SCD5: variants seen among roughly 807,000 people sequenced by gnomAD.
SCD5 encodes the protein acyl-CoA-desaturase 4.
SCD5 carries 20 observed loss-of-function variants against 30.4 expected under a neutral mutation model. That is an observed-to-expected ratio of 0.66 (90% CI 0.46 to 0.96). SCD5 has a LOEUF of 0.96. Ranked by LOEUF, SCD5 falls within the 40% of genes least tolerant of loss-of-function variation. The pLI, the probability that SCD5 is intolerant of heterozygous loss-of-function variation, is 0.00. For missense variants in SCD5, 381 were observed against 443.3 expected (o/e 0.86, Z 1.26); for synonymous variants, 173 against 176.4 (o/e 0.98, Z 0.16).
chr4:82,705,430 G>T lies in SCD5; in HGVS notation c.233-17C>A. ...AGAAGTAGGCTGCAAGACACAAGCA[G>T]GGACAACGTCAACAATGGTCCCTGA... On this transcript the variant is annotated splice_polypyrimidine_tract_variant and intron_variant, in intron 1 of 4. Coordinates refer to ENST00000319540, the MANE Select transcript of SCD5 (RefSeq NM_001037582.3). 10 of 1,613,992 alleles carry T rather than the reference G, an allele frequency of 6.2e-6. No homozygotes were observed. The highest frequency in any genetic ancestry group is 8.5e-6 in the Non-Finnish European group (10 of 1,179,932).
chr4:82,702,637 G>T (rs1470731960), intron 2 of SCD5, among the ~76,000 whole-genome samples: 2 of 152,128 alleles, frequency 1.3e-5, no homozygotes, highest in African/African-American at 4.8e-5. Flanking sequence ...CCCAAACAGA[G>T]ACAGCTATGG....
intron 1 of SCD5, among the ~76,000 whole-genome samples, chr4:82,742,156 C>T (rs549685110): frequency 6.6e-6 from 1 of 152,144 alleles, no homozygotes. Flanking sequence ...TTGTGTGGAC[C>T]ACTTGGGGAG....
intron 1 of SCD5, chr4:82,775,706 A>C (rs1721729864): frequency 6.6e-6 from 1 of 152,076 alleles, no homozygotes; most frequent in South Asian, 2.1e-4. Flanking sequence ...AAAATTTAAA[A>C]ATTAGCCAGG....
intron 1 of SCD5, chr4:82,753,365 T>G (rs1721148619): frequency 1.9e-6 from 1 of 533,418 alleles, no homozygotes; most frequent in African/African-American, 1.9e-5. Context: ...CCTGTCCAAC[T>G]GGCTCATTGT....
At chr4:82,773,102 A>C (rs1721665443) in intron 1 of SCD5, among the ~76,000 whole-genome samples, 2 of 152,158 alleles carry the variant, frequency 1.3e-5, no homozygotes, top group South Asian at 4.1e-4. Context: ...CCCAGGACAC[A>C]GGACTTCATG....
At chr4:82,731,372 G>A (rs1385375704) in intron 1 of SCD5, among the ~76,000 whole-genome samples, 2 of 152,224 alleles carry the variant, frequency 1.3e-5, no homozygotes, top group Non-Finnish European at 2.9e-5. Context: ...CTTGAAGAGA[G>A]CACTGGCTTC....
intron 1 of SCD5, among the ~76,000 whole-genome samples, chr4:82,757,471 C>T (rs745475863): frequency 2.0e-5 from 3 of 152,146 alleles, no homozygotes; most frequent in Admixed American, 6.5e-5. Context: ...GAATTGCCCC[C>T]GTGAGGGAGG....
chr4:82,772,590 T>C (rs897825261), intron 1 of SCD5, among the ~76,000 whole-genome samples: 20 of 152,232 alleles, frequency 1.3e-4, no homozygotes, highest in Non-Finnish European at 4.4e-5. Context: ...TGGTCTAGGA[T>C]GGCCTCATAC....
rs539895724 is a variant in SCD5 at position 82,795,993 on chromosome 4, G to A, written c.232+2313C>T. ...GGGAGAGAATTAAGACTTACGGGCCGGGCGCAGTGGCTCACGCCTGTAATT... is the reference window on the plus strand; with the variant it reads ...GGGAGAGAATTAAGACTTACGGGCCAGGCGCAGTGGCTCACGCCTGTAATT... On this transcript the variant is annotated intron_variant, in intron 1 of 4. Transcript: ENST00000319540. 1.8e-4 allele frequency among the ~76,000 whole-genome samples: 27 copies of A among 151,626 alleles called. No individual in the cohort carries two copies. In the East Asian group the frequency reaches 1.9e-3, roughly 11 times the overall value.
chr4:82,798,393 T>C lies in SCD5; in HGVS notation c.145A>G (p.Asn49Asp). The C allele has an allele frequency of 6.2e-7, 1 of 1,613,294 alleles. No individual in the cohort carries two copies. Among genetic ancestry groups the C allele is most frequent in the Non-Finnish European group, 8.5e-7 (1 of 1,179,630 alleles). ...TGGAGCAAGCTCATCAGGACGACAT[T>C]CCTCCAGACGATGTTCTGCCGCTGC... ...RGQRQNIVWR[N>D]VVLMSLLHLG... The change falls in exon 1 of 5, where the codon AAT becomes GAT. Residue 49 changes from asparagine to aspartate, a missense_variant. Coordinates refer to ENST00000319540, the MANE Select transcript of SCD5 (RefSeq NM_001037582.3).
rs544394507 is a variant in SCD5 at position 82,695,861 on chromosome 4, G to C, written c.363+9422C>G. Among the ~76,000 whole-genome samples, 3 of 152,258 alleles carry C rather than the reference G, an allele frequency of 2.0e-5. No individual in the cohort carries two copies. The East Asian group carries it at 5.8e-4, about 29-fold the overall frequency. On this transcript the variant is annotated intron_variant, in intron 2 of 4. Transcript: ENST00000319540. ...AATCTCCCCTTCTGCAGTAGGCTTT[G>C]TCCAATGATCCTAGCCCATATTCAA...
At chr4:82,687,743 C>G (rs955045155) in intron 2 of SCD5, among the ~76,000 whole-genome samples, 3 of 152,160 alleles carry the variant, frequency 2.0e-5, no homozygotes, top group African/African-American at 7.2e-5. Context: ...CCACGCACAG[C>G]CTTTGAGTGT....
At chr4:82,712,396 C>A (rs1720130666) in intron 1 of SCD5, among the ~76,000 whole-genome samples, 1 of 146,368 alleles carries the variant, frequency 6.8e-6, no homozygotes, top group South Asian at 2.2e-4. Context: ...CGGCTTATTG[C>A]AACCTCTGCC....
chr4:82,645,952 C>G (rs923855304), intron 3 of SCD5, among the ~76,000 whole-genome samples: 2 of 152,178 alleles, frequency 1.3e-5, no homozygotes, highest in Non-Finnish European at 2.9e-5. Context: ...TTTCCTACTG[C>G]TTTGCTAACC....
chr4:82,739,194 C>T (rs1720819257), intron 1 of SCD5, among the ~76,000 whole-genome samples: 1 of 152,224 alleles, frequency 6.6e-6, no homozygotes, highest in African/African-American at 2.4e-5. Flanking sequence ...CTTCTACATG[C>T]AAATCATTTC....
chr4:82,757,436 A>G (rs1721256671), intron 1 of SCD5, among the ~76,000 whole-genome samples: 1 of 152,174 alleles, frequency 6.6e-6, no homozygotes, highest in Non-Finnish European at 1.5e-5. Flanking sequence ...GACCCTCAGT[A>G]CCTAGCATTC....
chr4:82,782,528 T>C (rs973320668), intron 1 of SCD5, among the ~76,000 whole-genome samples: 1 of 152,098 alleles, frequency 6.6e-6, no homozygotes, highest in Non-Finnish European at 1.5e-5. Flanking sequence ...AGGTTAAGGT[T>C]TGTGCCCAAA....
intron 3 of SCD5, among the ~76,000 whole-genome samples, chr4:82,658,987 T>A (rs1727928262): frequency 6.6e-6 from 1 of 152,210 alleles, no homozygotes; most frequent in African/African-American, 2.4e-5. Context: ...GTTGGTAGGC[T>A]ATTAATTACT....
chr4:82,729,658 A>G (rs994798336), intron 1 of SCD5, among the ~76,000 whole-genome samples: 4 of 152,182 alleles, frequency 2.6e-5, no homozygotes, highest in Non-Finnish European at 4.4e-5. Flanking sequence ...ACTCCAAAAT[A>G]TGCCTTTTTA....
Sources: gnomAD v4.1 joint callset for allele counts (sites outside exome capture counted in the v4.1 genomes callset) on GRCh38, gnomAD v4.1.1 for gene constraint, MANE v1.5 for transcripts, NCBI Gene and HGNC (gene_info 2026-07-23, HGNC 2026-07-21) for gene names.